The following NAALADL2 variants were observed in gnomAD, a reference collection of about 807,000 sequenced individuals.
The protein encoded by NAALADL2 is inactive N-acetylated-alpha-linked acidic dipeptidase-like protein 2.
NAALADL2 carries 76 observed loss-of-function variants against 87.2 expected under a neutral mutation model. That is an observed-to-expected ratio of 0.87 (90% CI 0.72 to 1.05). NAALADL2 has a LOEUF of 1.05. NAALADL2 is among the 50% of genes least tolerant of loss of function. The pLI is 0.00. For missense variants in NAALADL2, 1,089 were observed against 945.8 expected, an observed-to-expected ratio of 1.15 and a Z score of -1.99; for synonymous variants, 354 against 331.0, an observed-to-expected ratio of 1.07 and a Z score of -0.75.
chr3:175,119,839 T>TATATA (rs1203337804), intron 2 of NAALADL2, among the ~76,000 whole-genome samples: 1 of 145,998 alleles, frequency 6.8e-6, no homozygotes, highest in African/African-American at 2.5e-5. Context: ...AAGATGTATA[T>TATATA]GACTTATATA....
chr3:175,071,463 CATACAGTTTTTCAT>C (rs1440470716), intron 1 of NAALADL2, among the ~76,000 whole-genome samples: 54 of 152,126 alleles, frequency 3.5e-4, no homozygotes, highest in African/African-American at 1.2e-3. Context: ...CAGTTGTGTG[CATACAGTTTTTCAT>C]ATATTTATAT....
At chr3:175,400,843 C>T (rs1462839292) in intron 5 of NAALADL2, among the ~76,000 whole-genome samples, 1 of 152,054 alleles carries the variant, frequency 6.6e-6, no homozygotes, top group Non-Finnish European at 1.5e-5. Flanking sequence ...GAATGTCTCC[C>T]AACAGAACTC....
chr3:174,707,769 A>G (rs1237094925), intron 2 of NAALADL2, among the ~76,000 whole-genome samples: 1 of 152,062 alleles, frequency 6.6e-6, no homozygotes, highest in Non-Finnish European at 1.5e-5. Context: ...CGTTGTGCAC[A>G]TGTACCCTAG....
At chr3:174,940,268 C>T (rs1003678971) in intron 1 of NAALADL2, among the ~76,000 whole-genome samples, 7 of 152,040 alleles carry the variant, frequency 4.6e-5, no homozygotes, top group African/African-American at 1.4e-4. Context: ...TTGAGATAAT[C>T]ATGTGGTTTT....
chr3:175,688,788 T>C (rs762189200), intron 11 of NAALADL2, among the ~76,000 whole-genome samples: 3 of 152,206 alleles, frequency 2.0e-5, no homozygotes, highest in East Asian at 3.9e-4. Flanking sequence ...TCCTATAAGG[T>C]ACCTGAAGAG....
At chr3:174,751,016 G>A in intron 3 of NAALADL2, among the ~76,000 whole-genome samples, 1 of 151,954 alleles carries the variant, frequency 6.6e-6, no homozygotes, top group South Asian at 2.1e-4. Context: ...AATTATAATA[G>A]TTGTACCTCT....
chr3:174,796,754 T>A (rs1456759646), intron 3 of NAALADL2, among the ~76,000 whole-genome samples: 2 of 152,174 alleles, frequency 1.3e-5, no homozygotes, highest in Non-Finnish European at 2.9e-5. Flanking sequence ...CATTTTTGTA[T>A]ATTTTTGTTG....
At chr3:174,640,973 G>C (rs1367432748) in intron 2 of NAALADL2, among the ~76,000 whole-genome samples, 1 of 152,188 alleles carries the variant, frequency 6.6e-6, no homozygotes, top group Non-Finnish European at 1.5e-5. Flanking sequence ...AGCAGAGACC[G>C]TTCCTTCCCC....
At chr3:175,556,485 C>T (rs1312022379) in intron 9 of NAALADL2, among the ~76,000 whole-genome samples, 4 of 152,138 alleles carry the variant, frequency 2.6e-5, no homozygotes, top group Non-Finnish European at 5.9e-5. Context: ...TAAAAAATAG[C>T]TCTCAAGCTA....
At chr3:175,542,881 G>C (rs1039262829) in intron 9 of NAALADL2, among the ~76,000 whole-genome samples, 5 of 152,192 alleles carry the variant, frequency 3.3e-5, no homozygotes, top group Non-Finnish European at 7.4e-5. Context: ...AGGTGAACTG[G>C]AAAATGAATA....
At chr3:175,367,283 T>TCA (rs1423667172) in intron 5 of NAALADL2, among the ~76,000 whole-genome samples, 9 of 151,870 alleles carry the variant, frequency 5.9e-5, no homozygotes, top group African/African-American at 2.2e-4. Flanking sequence ...TAGTTTGAAG[T>TCA]CAGGTAGCAT....
rs373370449 is a variant in NAALADL2, at chr3:175,382,300, G to A, written c.1090+57975G>A. On this transcript the variant is annotated intron_variant, in intron 5 of 13. Transcript: ENST00000454872. ...TCCTTAAAAATTGAAGATTTTGAAG[G>A]GTAAACACATGCCTGGTGGTCTGAG... Among the ~76,000 whole-genome samples, 58 of 152,116 alleles carry A rather than the reference G, an allele frequency of 3.8e-4. No individual in the cohort carries two copies. The South Asian group carries it at 0.012, about 30-fold the overall frequency.
intron 3 of NAALADL2, among the ~76,000 whole-genome samples, chr3:174,843,572 G>A (rs991282787): frequency 6.6e-6 from 1 of 152,134 alleles, no homozygotes; most frequent in Non-Finnish European, 1.5e-5. Flanking sequence ...GAGATTGCAA[G>A]AACATATGGT....
At chr3:174,896,740 G>A (rs562918284) in intron 1 of NAALADL2, among the ~76,000 whole-genome samples, 43 of 152,110 alleles carry the variant, frequency 2.8e-4, no homozygotes, top group African/African-American at 9.6e-4. Flanking sequence ...CAAAAATAAC[G>A]AAACTGGACG....
chr3:174,826,931 A>C (rs1055907768), intron 3 of NAALADL2, among the ~76,000 whole-genome samples: 1 of 152,174 alleles, frequency 6.6e-6, no homozygotes, highest in Non-Finnish European at 1.5e-5. Context: ...AAGCAATTCC[A>C]GCTAACTTTA....
chr3:175,500,420 G>A (rs1196857623), intron 9 of NAALADL2, among the ~76,000 whole-genome samples: 1 of 151,850 alleles, frequency 6.6e-6, no homozygotes, highest in Non-Finnish European at 1.5e-5. Flanking sequence ...TAGAAACATG[G>A]ATAAGGGCCT....
At chr3:175,268,211 C>T (rs903862385) in intron 4 of NAALADL2, among the ~76,000 whole-genome samples, 3 of 152,062 alleles carry the variant, frequency 2.0e-5, no homozygotes, top group African/African-American at 7.2e-5. Context: ...AAGGTATAGC[C>T]TATTGCTCCC....
intron 2 of NAALADL2, among the ~76,000 whole-genome samples, chr3:175,207,541 C>G (rs1433617080): frequency 2.0e-5 from 3 of 151,988 alleles, no homozygotes; most frequent in Non-Finnish European, 4.4e-5. Flanking sequence ...TTTTGGTCAG[C>G]AGTTCAGGTC....
chr3:175,473,589 A>T (rs1318571932), intron 9 of NAALADL2, among the ~76,000 whole-genome samples: 1 of 151,762 alleles, frequency 6.6e-6, no homozygotes, highest in African/African-American at 2.4e-5. Flanking sequence ...CTCATACAAA[A>T]ATTTAATATC....
Sources: gnomAD v4.1 joint callset for allele counts (sites outside exome capture counted in the v4.1 genomes callset) on GRCh38, gnomAD v4.1.1 for gene constraint, MANE v1.5 for transcripts, NCBI Gene and HGNC (gene_info 2026-07-23, HGNC 2026-07-21) for gene names.